PIGK: variants seen among roughly 807,000 people sequenced by gnomAD.
PIGK encodes phosphatidylinositol glycan anchor biosynthesis class K, also known as GPI-anchor transamidase.
PIGK carries 42 observed loss-of-function variants against 50.6 expected under a neutral mutation model. The ratio of observed to expected loss-of-function variants is 0.83; its 90% confidence interval spans 0.65 to 1.07. The LOEUF is 1.07. PIGK is among the 50% of genes least tolerant of loss of function. The pLI is 0.00. For missense variants in PIGK, 448 were observed against 488.7 expected, an observed-to-expected ratio of 0.92 and a Z score of 0.78; for synonymous variants, 151 against 156.0, an observed-to-expected ratio of 0.97 and a Z score of 0.24.
At chr1:77,116,148 C>T (rs1485649206) in intron 10 of PIGK, among the ~76,000 whole-genome samples, 1 of 152,066 alleles carries the variant, frequency 6.6e-6, no homozygotes. Flanking sequence ...AAAATTGACT[C>T]ATAATGGTGA....
At chr1:77,155,782 T>C (rs1654994260) in intron 8 of PIGK, among the ~76,000 whole-genome samples, 1 of 152,116 alleles carries the variant, frequency 6.6e-6, no homozygotes, top group Non-Finnish European at 1.5e-5. Flanking sequence ...TATCCACCTG[T>C]AGAGATAAGA....
intron 10 of PIGK, among the ~76,000 whole-genome samples, chr1:77,112,930 C>T (rs1327769511): frequency 6.6e-6 from 1 of 152,024 alleles, no homozygotes; most frequent in African/African-American, 2.4e-5. Flanking sequence ...ACACTTCGCC[C>T]TTAAAACAAA....
intron 3 of PIGK, among the ~76,000 whole-genome samples, chr1:77,176,357 T>TA (rs1570243202): frequency 6.6e-6 from 1 of 152,226 alleles, no homozygotes; most frequent in South Asian, 2.1e-4. Flanking sequence ...ACTGTAAAAA[T>TA]AAAAAATAAT....
chr1:77,180,894 C>G (rs942439951), intron 3 of PIGK, among the ~76,000 whole-genome samples: 2 of 152,032 alleles, frequency 1.3e-5, no homozygotes, highest in African/African-American at 4.8e-5. Context: ...TTGACTTTTC[C>G]CTTTAGCTTA....
intron 9 of PIGK, 87 bp from the exon 10 acceptor site, chr1:77,122,446 T>C (rs7531782): frequency 0.19 from 137,465 of 732,604 alleles, 13,922 homozygotes; most frequent in East Asian, 0.35. Flanking sequence ...ATATGAAATA[T>C]AGTAAAATGC....
At chr1:77,184,197 C>A (rs1247641373) in intron 3 of PIGK, among the ~76,000 whole-genome samples, 7 of 150,428 alleles carry the variant, frequency 4.7e-5, no homozygotes, top group African/African-American at 1.7e-4. Context: ...CTGGCACTGG[C>A]TAATTAATCA....
chr1:77,172,752 T>G (rs575734741), intron 3 of PIGK, among the ~76,000 whole-genome samples: 1 of 151,870 alleles, frequency 6.6e-6, no homozygotes, highest in African/African-American at 2.4e-5. Context: ...TGAAACCCCG[T>G]CTCTACAAAA....
intron 9 of PIGK, among the ~76,000 whole-genome samples, chr1:77,135,065 G>A (rs1200350138): frequency 6.6e-6 from 1 of 152,064 alleles, no homozygotes; most frequent in African/African-American, 2.4e-5. Flanking sequence ...AAACATTACA[G>A]TTGGTCTTAA....
intron 10 of PIGK, among the ~76,000 whole-genome samples, chr1:77,120,083 C>T (rs1284197199): frequency 1.3e-5 from 2 of 152,116 alleles, no homozygotes; most frequent in African/African-American, 4.8e-5. Flanking sequence ...GATTATTTCT[C>T]ATGAAAATAG....
chr1:77,113,900 A>G (rs1224807244), intron 10 of PIGK, among the ~76,000 whole-genome samples: 1 of 152,072 alleles, frequency 6.6e-6, no homozygotes, highest in African/African-American at 2.4e-5. Context: ...ATCTCTTCAT[A>G]TCTCTACATG....
At chr1:77,178,019 T>C (rs894728139) in intron 3 of PIGK, among the ~76,000 whole-genome samples, 3 of 152,196 alleles carry the variant, frequency 2.0e-5, no homozygotes, top group Non-Finnish European at 4.4e-5. Flanking sequence ...ATGACACTCT[T>C]ATCTTTGAAT....
intron 2 of PIGK, among the ~76,000 whole-genome samples, chr1:77,208,072 A>C (rs992457729): frequency 1.3e-5 from 2 of 151,998 alleles, no homozygotes; most frequent in African/African-American, 4.8e-5. Flanking sequence ...AAAAAAATGT[A>C]AAATTTAGCA....
chr1:77,143,879 C>T (rs984395152), intron 9 of PIGK, among the ~76,000 whole-genome samples: 5 of 152,146 alleles, frequency 3.3e-5, no homozygotes, highest in Non-Finnish European at 5.9e-5. Context: ...TAATTTTTAT[C>T]AGTGTGTGAG....
At chr1:77,189,108 A>G (rs1655825821) in intron 3 of PIGK, among the ~76,000 whole-genome samples, 1 of 152,320 alleles carries the variant, frequency 6.6e-6, no homozygotes. Context: ...ATGACATAAG[A>G]TTTATTGACT....
At chr1:77,142,657 G>T (rs1654674529) in intron 9 of PIGK, among the ~76,000 whole-genome samples, 1 of 152,036 alleles carries the variant, frequency 6.6e-6, no homozygotes, top group Non-Finnish European at 1.5e-5. Flanking sequence ...TCTTCATATG[G>T]TGGCAGGAGA....
chr1:77,122,801 G>A (rs1329110632), intron 9 of PIGK, among the ~76,000 whole-genome samples: 1 of 152,148 alleles, frequency 6.6e-6, no homozygotes, highest in African/African-American at 2.4e-5. Context: ...GCACCTCCAG[G>A]AGTCTCTCAG....
intron 9 of PIGK, among the ~76,000 whole-genome samples, chr1:77,144,318 G>A (rs879852250): frequency 1.6e-4 from 25 of 151,786 alleles, no homozygotes; most frequent in Non-Finnish European, 8.8e-5. Flanking sequence ...GAAACCTTAA[G>A]GGTCTCAGAA....
At chr1:77,188,441 T>G (rs1457652443) in intron 3 of PIGK, among the ~76,000 whole-genome samples, 1 of 152,188 alleles carries the variant, frequency 6.6e-6, no homozygotes, top group Non-Finnish European at 1.5e-5. Flanking sequence ...CTAATAAATT[T>G]TGGTCAGACC....
intron 9 of PIGK, among the ~76,000 whole-genome samples, chr1:77,147,229 C>T (rs1204556194): frequency 1.3e-5 from 2 of 152,068 alleles, no homozygotes; most frequent in Non-Finnish European, 2.9e-5. Flanking sequence ...ACCATGAGAA[C>T]AGTATGGGGG....
Sources: allele counts gnomAD v4.1 joint callset (sites outside exome capture counted in the v4.1 genomes callset), GRCh38; gene constraint gnomAD v4.1.1; transcripts MANE v1.5; gene names NCBI Gene and HGNC (gene_info 2026-07-23, HGNC 2026-07-21).